The following CNTNAP5 variants were observed in gnomAD, a reference collection of about 807,000 sequenced individuals.
CNTNAP5 encodes the protein contactin-associated protein-like 5.
A neutral mutation model predicts 150.2 loss-of-function variants in CNTNAP5; 72 were observed. The ratio of observed to expected loss-of-function variants is 0.48; its 90% confidence interval spans 0.40 to 0.58. The LOEUF (loss-of-function observed/expected upper bound fraction) is 0.58, where lower values mean the gene tolerates loss of function less well. CNTNAP5 is among the 20% of genes least tolerant of loss of function. The pLI, the probability that CNTNAP5 is intolerant of heterozygous loss-of-function variation, is 0.00. For synonymous variants in CNTNAP5, 672 were observed against 619.8 expected (o/e 1.08, Z -1.25); for missense variants, 1,636 against 1,626.2 (o/e 1.01, Z -0.10).
chr2:124,150,069 C>T (rs1684368485), intron 1 of CNTNAP5, among the ~76,000 whole-genome samples: 1 of 152,146 alleles, frequency 6.6e-6, no homozygotes, highest in Non-Finnish European at 1.5e-5. Flanking sequence ...TAATTCTGTA[C>T]TCTTTAAAAA....
At chr2:124,570,732 G>A (rs1696133518) in intron 11 of CNTNAP5, among the ~76,000 whole-genome samples, 1 of 152,122 alleles carries the variant, frequency 6.6e-6, no homozygotes. Flanking sequence ...ATGAGAACCA[G>A]CACAAGCTAG....
rs370607945 is a variant in CNTNAP5 at position 124,479,286 on chromosome 2, A to C, written c.1062+4404A>C. Among the ~76,000 whole-genome samples the C allele has an allele frequency of 1.3e-4, 20 of 152,276 alleles. 1 individual carries two copies. The East Asian group carries it at 2.5e-3, about 19-fold the overall frequency. On this transcript the variant is annotated intron_variant, in intron 7 of 23. Coordinates refer to ENST00000682447, the MANE Select transcript of CNTNAP5 (RefSeq NM_001367498.1). ...CTCTGATAGTTTCCTGAAAATGATT[A>C]ATTTCATACCTTGCACTCCATCAGA...
intron 19 of CNTNAP5, among the ~76,000 whole-genome samples, chr2:124,825,981 GTAAAT>G (rs1682584534): frequency 6.6e-6 from 1 of 152,074 alleles, no homozygotes; most frequent in South Asian, 2.1e-4. Context: ...CTTAATAAAA[GTAAAT>G]TATAGAGACT....
At chr2:124,130,633 A>T (rs1377794285) in intron 1 of CNTNAP5, among the ~76,000 whole-genome samples, 1 of 152,104 alleles carries the variant, frequency 6.6e-6, no homozygotes, top group East Asian at 1.9e-4. Flanking sequence ...CCTCCATGGA[A>T]GTTTCACTGG....
chr2:124,082,825 T>C (rs568534237), intron 1 of CNTNAP5, among the ~76,000 whole-genome samples: 2 of 152,226 alleles, frequency 1.3e-5, no homozygotes, highest in African/African-American at 4.8e-5. Context: ...TATTTTTTAC[T>C]TTAGACATTC....
intron 3 of CNTNAP5, among the ~76,000 whole-genome samples, chr2:124,263,788 C>A (rs1687526738): frequency 6.6e-6 from 1 of 152,118 alleles, no homozygotes. Flanking sequence ...TTAGGTCTAA[C>A]ATTTAAGTCT....
intron 1 of CNTNAP5, among the ~76,000 whole-genome samples, chr2:124,098,182 A>G (rs1346619063): frequency 1.3e-5 from 2 of 152,256 alleles, no homozygotes; most frequent in Non-Finnish European, 2.9e-5. Context: ...TATTTGCTCT[A>G]TTCTTACAAT....
intron 3 of CNTNAP5, among the ~76,000 whole-genome samples, chr2:124,363,293 T>G (rs930062575): frequency 2.8e-5 from 4 of 140,634 alleles, no homozygotes; most frequent in Non-Finnish European, 5.9e-5. Flanking sequence ...GACCAGATTC[T>G]TTTCCCTGAC....
At chr2:124,841,555 C>T (rs1026959905) in intron 19 of CNTNAP5, among the ~76,000 whole-genome samples, 3 of 152,044 alleles carry the variant, frequency 2.0e-5, no homozygotes, top group Non-Finnish European at 4.4e-5. Flanking sequence ...TCCAAGCCTT[C>T]TCTGATTTCC....
chr2:124,879,189 A>G (rs928853720), intron 21 of CNTNAP5, among the ~76,000 whole-genome samples: 2 of 152,026 alleles, frequency 1.3e-5, no homozygotes, highest in African/African-American at 4.8e-5. Context: ...TCCACTTCTC[A>G]GCATGGGGTA....
chr2:124,626,861 GT>G (rs1417833894), intron 12 of CNTNAP5, among the ~76,000 whole-genome samples: 1 of 152,114 alleles, frequency 6.6e-6, no homozygotes, highest in Admixed American at 6.5e-5. Flanking sequence ...GGACCACTGA[GT>G]TCCCGGTGGG....
In CNTNAP5 at chr2:124,524,422, A is replaced by G; in HGVS notation, c.1447A>G (p.Ile483Val). The G allele has an allele frequency of 6.2e-7, 1 of 1,613,372 alleles. No homozygotes were observed. Among genetic ancestry groups the G allele is most frequent in the Non-Finnish European group, 8.5e-7 (1 of 1,179,594 alleles). ...GGCTCCAGACAGCACTTGGGTGCAG[A>G]TTTATTCTGGAAATAGCTACTATTT... ...PPAPDSTWVQ[I>V]YSGNSYYFGG... is the part of the protein sequence containing the mutation. The change falls in exon 9 of 24, where the codon ATT (isoleucine) becomes GTT (valine). Residue 483 changes from isoleucine to valine, a missense_variant. Coordinates refer to ENST00000682447, the MANE Select transcript of CNTNAP5 (RefSeq NM_001367498.1).
At chr2:124,489,515 T>G (rs564563193) in intron 7 of CNTNAP5, among the ~76,000 whole-genome samples, 164 of 152,304 alleles carry the variant, frequency 1.1e-3, no homozygotes, top group African/African-American at 3.9e-3. Flanking sequence ...TCTGAGGTAC[T>G]GGGGGCTGGG....
chr2:124,732,243 A>G (rs979238968), intron 13 of CNTNAP5, among the ~76,000 whole-genome samples: 1 of 152,088 alleles, frequency 6.6e-6, no homozygotes, highest in South Asian at 2.1e-4. Flanking sequence ...TCAGTTGCTC[A>G]ACTTATTTTA....
At position 124,367,430 on chromosome 2, in the gene CNTNAP5, AACTC is replaced by A. The variant is rs574583052; in HGVS notation, c.382-50005_382-50002del. Reference sequence around the variant, plus strand: ...AGTGCAAACTGTCAGATCTCATGAGAACTCACTCACTATCACGAGAGCAACATGT... The same window carrying A: ...AGTGCAAACTGTCAGATCTCATGAGAACTCACTATCACGAGAGCAACATGT... On this transcript the variant is annotated intron_variant, in intron 3 of 23. Coordinates refer to ENST00000682447, the MANE Select transcript of CNTNAP5 (RefSeq NM_001367498.1). Among the ~76,000 whole-genome samples the A allele has an allele frequency of 2.2e-3, 328 of 152,238 alleles. 1 individual carries two copies. The highest frequency in any genetic ancestry group is 7.6e-3 in the African/African-American group (317 of 41,546).
At chr2:124,098,432 A>G (rs953196469) in intron 1 of CNTNAP5, among the ~76,000 whole-genome samples, 1 of 152,154 alleles carries the variant, frequency 6.6e-6, no homozygotes, top group Non-Finnish European at 1.5e-5. Flanking sequence ...TCAAGGGTGA[A>G]CTGTACTCAC....
At chr2:124,400,241 G>A (rs539408618) in intron 3 of CNTNAP5, among the ~76,000 whole-genome samples, 1 of 152,066 alleles carries the variant, frequency 6.6e-6, no homozygotes, top group South Asian at 2.1e-4. Flanking sequence ...GAGTGTCATC[G>A]CAGGGAGATA....
At chr2:124,871,575 A>G (rs1037907145) in intron 21 of CNTNAP5, among the ~76,000 whole-genome samples, 2 of 152,048 alleles carry the variant, frequency 1.3e-5, no homozygotes, top group Admixed American at 1.3e-4. Context: ...ACCTCTTCCT[A>G]CTGAAGAGCC....
At chr2:124,698,052 T>A (rs1041746052) in intron 13 of CNTNAP5, among the ~76,000 whole-genome samples, 2 of 152,074 alleles carry the variant, frequency 1.3e-5, no homozygotes, top group Admixed American at 6.6e-5. Context: ...GAAGCCCTTT[T>A]TGGCCATGCT....
Sources: gnomAD v4.1 joint callset for allele counts (sites outside exome capture counted in the v4.1 genomes callset) on GRCh38, gnomAD v4.1.1 for gene constraint, MANE v1.5 for transcripts, NCBI Gene and HGNC (gene_info 2026-07-23, HGNC 2026-07-21) for gene names.